MTSS1: variants seen among roughly 807,000 people sequenced by gnomAD.
MTSS1 encodes the protein protein MTSS 1.
In MTSS1, 18 loss-of-function variants were observed where a neutral mutation model predicts 79.0. The observed-to-expected ratio is 0.23, with a 90% CI of 0.16 to 0.34. The LOEUF is 0.34. MTSS1 is among the 10% of genes least tolerant of loss of function. The pLI is 1.00. For missense variants in MTSS1, 815 were observed against 986.2 expected, an observed-to-expected ratio of 0.83 and a Z score of 2.33; for synonymous variants, 341 against 368.6, an observed-to-expected ratio of 0.93 and a Z score of 0.86.
At chr8:124,676,243 TTC>T (rs1825267900) in intron 3 of MTSS1, among the ~76,000 whole-genome samples, 1 of 152,228 alleles carries the variant, frequency 6.6e-6, no homozygotes, top group Non-Finnish European at 1.5e-5. Context: ...CTGGACATTA[TTC>T]CTAACATGCA....
chr8:124,630,250 C>A (rs1815657126), intron 3 of MTSS1, among the ~76,000 whole-genome samples: 1 of 152,202 alleles, frequency 6.6e-6, no homozygotes. Context: ...CCACCCCATG[C>A]CACTGGGCTG....
intron 2 of MTSS1, among the ~76,000 whole-genome samples, chr8:124,700,480 T>C (rs533392434): frequency 5.3e-5 from 8 of 152,262 alleles, no homozygotes; most frequent in African/African-American, 1.9e-4. Context: ...TAAGACAAGA[T>C]CCTGGCAGTG....
intron 3 of MTSS1, among the ~76,000 whole-genome samples, chr8:124,689,540 G>A (rs1307030648): frequency 6.6e-6 from 1 of 151,962 alleles, no homozygotes; most frequent in Non-Finnish European, 1.5e-5. Context: ...GAGGTCGGGA[G>A]TTTGAGACCA....
intron 3 of MTSS1, among the ~76,000 whole-genome samples, chr8:124,646,086 A>AT (rs1818949022): frequency 1.3e-5 from 2 of 151,208 alleles, no homozygotes; most frequent in Non-Finnish European, 3.0e-5. Context: ...TATTCAACTC[A>AT]TTTTTTAAAG....
intron 6 of MTSS1, among the ~76,000 whole-genome samples, chr8:124,574,395 A>G (rs4286935): frequency 0.17 from 26,082 of 152,174 alleles, 2,528 homozygotes; most frequent in African/African-American, 0.24. Flanking sequence ...GTTTTGATAG[A>G]TGGGGAAACT....
At chr8:124,591,071 G>A in intron 4 of MTSS1, 80 bp downstream of exon 4, 1 of 1,153,408 alleles carries the variant, frequency 8.7e-7, no homozygotes, top group Non-Finnish European at 1.3e-6. Context: ...GGATTTAAAT[G>A]CTGTGTGCCA....
chr8:124,608,592 G>A (rs569591572), intron 3 of MTSS1, among the ~76,000 whole-genome samples: 7 of 152,288 alleles, frequency 4.6e-5, no homozygotes, highest in African/African-American at 1.2e-4. Context: ...GTATGATGGG[G>A]GTCCTAATTC....
chr8:124,684,400 T>C (rs995154232), intron 3 of MTSS1, among the ~76,000 whole-genome samples: 4 of 152,182 alleles, frequency 2.6e-5, no homozygotes, highest in African/African-American at 7.2e-5. Context: ...TTATAAATTA[T>C]AGAGCAACAG....
intron 1 of MTSS1, among the ~76,000 whole-genome samples, chr8:124,724,533 T>C (rs1833407542): frequency 1.3e-5 from 2 of 152,214 alleles, no homozygotes; most frequent in Non-Finnish European, 2.9e-5. Flanking sequence ...GCTCTCGACA[T>C]GCTGATTCTT....
At chr8:124,561,982 C>T (rs1384486393) in intron 10 of MTSS1, among the ~76,000 whole-genome samples, 4 of 152,132 alleles carry the variant, frequency 2.6e-5, no homozygotes, top group Non-Finnish European at 5.9e-5. Flanking sequence ...AGGAGAGGAA[C>T]GCAGAGCTCT....
At chr8:124,668,492 T>C (rs1823541209) in intron 3 of MTSS1, among the ~76,000 whole-genome samples, 1 of 152,080 alleles carries the variant, frequency 6.6e-6, no homozygotes, top group Non-Finnish European at 1.5e-5. Context: ...GGTGAACTCC[T>C]CCCTCCCTGT....
intron 3 of MTSS1, among the ~76,000 whole-genome samples, chr8:124,598,330 G>A (rs1007705928): frequency 6.6e-6 from 1 of 152,034 alleles, no homozygotes; most frequent in Admixed American, 6.5e-5. Flanking sequence ...ATCATTTTTT[G>A]TGTCCTGTGT....
At position 124,671,050 on chromosome 8, in the gene MTSS1, TC is replaced by T. The variant is rs1449300458; in HGVS notation, c.208+28475del. 4.8e-3 allele frequency among the ~76,000 whole-genome samples: 622 copies of T among 129,158 alleles called. 3 individuals are homozygous for T. Among genetic ancestry groups the T allele is most frequent in the African/African-American group, 0.023 (511 of 22,248 alleles). 84.7% of individuals were successfully genotyped at this position (129,158 alleles called of 152,430 possible). ...CTAGAACATTTTTCTTTTTTCTTTT[TC>T]TTTTTTTCCTGAAAAGCCTTTGCAT... On this transcript the variant is annotated intron_variant, in intron 3 of 13. Transcript: ENST00000518547.
intron 3 of MTSS1, among the ~76,000 whole-genome samples, chr8:124,599,538 A>G (rs1285882112): frequency 2.0e-5 from 3 of 151,796 alleles, no homozygotes; most frequent in Admixed American, 2.0e-4. Flanking sequence ...GAAATGAAAG[A>G]TCTAAGTAAA....
intron 1 of MTSS1, among the ~76,000 whole-genome samples, chr8:124,713,265 C>T (rs188778516): frequency 6.6e-6 from 1 of 152,336 alleles, no homozygotes; most frequent in East Asian, 1.9e-4. Flanking sequence ...CACAACGGCA[C>T]CCCTAAGGGC....
At chr8:124,638,482 G>A (rs1817435176) in intron 3 of MTSS1, among the ~76,000 whole-genome samples, 1 of 152,188 alleles carries the variant, frequency 6.6e-6, no homozygotes, top group South Asian at 2.1e-4. Flanking sequence ...AAACAGGAAG[G>A]GGATCACACA....
Position 124,552,878 on chromosome 8 carries a change from A to G in MTSS1, c.*114T>C. ...GGTGTCGAGTACTTTCAAAAGAGCT[A>G]TATTCCGAGTTGCCTACAAAATCTT... On this transcript the variant is annotated 3_prime_UTR_variant, in exon 14 of 14. Transcript: ENST00000518547. The G allele has an allele frequency of 1.0e-6, 1 of 1,002,960 alleles. No homozygotes were observed. Among genetic ancestry groups the G allele is most frequent in the Non-Finnish European group, 1.5e-6 (1 of 686,034 alleles). 62.1% of individuals were successfully genotyped at this position (1,002,960 alleles called of 1,614,324 possible).
In MTSS1 at chr8:124,597,330, G is replaced by C. The variant is rs994136969; in HGVS notation, c.209-6095C>G. 6.6e-6 allele frequency among the ~76,000 whole-genome samples: 1 copy of C among 152,266 alleles called. No homozygotes were observed. Among genetic ancestry groups the C allele is most frequent in the East Asian group, 1.9e-4 (1 of 5,184 alleles). On this transcript the variant is annotated intron_variant, in intron 3 of 13. Transcript: ENST00000518547. This position sits in a 1 kb window ranked among gnomAD's most constrained non-coding sequence, Gnocchi z 4.6. ...AGCCAAAATCCAAGCCTGCTTCTAC[G>C]GATACCAAGGGCTCTCTCTCACTAC... is the stretch of plus-strand genomic sequence containing the variant.
chr8:124,676,858 G>A (rs1018239916), intron 3 of MTSS1, among the ~76,000 whole-genome samples: 2 of 152,078 alleles, frequency 1.3e-5, no homozygotes, highest in Non-Finnish European at 1.5e-5. Flanking sequence ...GCCAGCCACG[G>A]GCACAAAACA....
Sources: gnomAD v4.1 joint callset for allele counts (sites outside exome capture counted in the v4.1 genomes callset) on GRCh38, gnomAD v4.1.1 for gene constraint, Gnocchi (gnomAD v3.1) non-coding constraint, MANE v1.5 for transcripts, NCBI Gene and HGNC (gene_info 2026-07-23, HGNC 2026-07-21) for gene names.